The following CEP43 variants were observed in gnomAD, a reference collection of about 807,000 sequenced individuals.
The protein encoded by CEP43 is centrosomal protein 43.
Under a neutral mutation model 52.6 loss-of-function variants are expected in CEP43, and 36 were observed. That is an observed-to-expected ratio of 0.68 (90% confidence interval 0.52 to 0.90). The LOEUF (loss-of-function observed/expected upper bound fraction) is 0.90. Among genes scored for constraint, CEP43 ranks in the 40% least tolerant of loss-of-function variants. The pLI is 0.00. For synonymous variants in CEP43, 192 were observed against 172.4 expected (o/e 1.11, Z -0.89); for missense variants, 506 against 472.8 (o/e 1.07, Z -0.65).
Position 167,038,852 on chromosome 6 carries a change from A to G in CEP43, c.1126-1052A>G, listed in dbSNP as rs185797717. 2.0e-3 allele frequency among the ~76,000 whole-genome samples: 312 copies of G among 152,232 alleles called. 2 individuals are homozygous for G. The highest frequency in any genetic ancestry group is 7.2e-3 in the African/African-American group (300 of 41,532). The stretch of plus-strand genomic sequence containing the variant: ...GGGGGAACAGGTGGTGTTTGGTTGC[A>G]TGAATGAGTTCTTTAGTGGTGATTT... On this transcript the variant is annotated intron_variant, in intron 12 of 12. Coordinates refer to ENST00000366847, the MANE Select transcript of CEP43 (RefSeq NM_007045.4).
At chr6:167,015,249 T>G (rs1293355593) in intron 7 of CEP43, among the ~76,000 whole-genome samples, 1 of 152,226 alleles carries the variant, frequency 6.6e-6, no homozygotes, top group Non-Finnish European at 1.5e-5. Context: ...CCTCAATTAC[T>G]TGGAAACCTT....
chr6:167,041,894 G>A lies in CEP43; in HGVS notation c.*1916G>A, dbSNP rs578233213. On this transcript the variant is annotated 3_prime_UTR_variant, in exon 13 of 13. Transcript: ENST00000366847. The stretch of plus-strand genomic sequence containing the variant: ...ACTGGAGTACAGTGATGCGATCTCG[G>A]CTCACTGCAACCTCCGCCTCCTGGG... 42 of 754,256 alleles carry A rather than the reference G, an allele frequency of 5.6e-5. No homozygotes were observed. In the African/African-American group the frequency reaches 7.7e-4, roughly 14 times the overall value. The allele number at this position is 754,256 out of a possible 1,614,324, so 46.7% of individuals were successfully genotyped here.
rs894059837 is a variant in CEP43, at chr6:167,042,297, C to T, written c.*2319C>T. ...TAAAAAATAAATATTGAAATATTAA[C>T]CCATTAAATACATTTTTATGGTAAC... is the stretch of plus-strand genomic sequence containing the variant. On this transcript the variant is annotated 3_prime_UTR_variant, in exon 13 of 13. Coordinates refer to ENST00000366847, the MANE Select transcript of CEP43 (RefSeq NM_007045.4). 13 of 998,056 alleles carry T rather than the reference C, an allele frequency of 1.3e-5. No individual in the cohort carries two copies. Among genetic ancestry groups the T allele is most frequent in the African/African-American group, 5.2e-5 (3 of 57,718 alleles). The allele number at this position is 998,056 out of a possible 1,614,324, so 61.8% of individuals were successfully genotyped here.
In CEP43 at chr6:167,045,461, G is replaced by T. The variant is rs934831689; in HGVS notation, c.*5483G>T. The T allele has an allele frequency of 6.6e-6, 1 of 151,708 alleles. No homozygotes were observed. The highest frequency in any genetic ancestry group is 1.5e-5 in the Non-Finnish European group (1 of 68,012). The allele number at this position is 151,708 out of a possible 1,614,324, so 9.4% of individuals were successfully genotyped here. A position where few individuals can be genotyped will look rare whatever the true frequency, so the allele number is the denominator to read the frequency against. On this transcript the variant is annotated 3_prime_UTR_variant, in exon 13 of 13. Coordinates refer to ENST00000366847, the MANE Select transcript of CEP43 (RefSeq NM_007045.4). ...AAAAACCAATTTTGGGCCGGGCACG[G>T]TGGCTCACGCCTGTAATCCCAGCAC...
intron 9 of CEP43, among the ~76,000 whole-genome samples, chr6:167,025,654 G>C (rs1336809865): frequency 1.3e-5 from 2 of 152,112 alleles, no homozygotes; most frequent in East Asian, 3.8e-4. Context: ...ATATACTGTG[G>C]GACTTCCTAG....
chr6:167,029,161 G>A (rs1372621201), intron 10 of CEP43, among the ~76,000 whole-genome samples: 2 of 152,182 alleles, frequency 1.3e-5, no homozygotes, highest in Non-Finnish European at 2.9e-5. Context: ...TCAGCCAGAG[G>A]CAAGAATGAA....
intron 2 of CEP43, among the ~76,000 whole-genome samples, chr6:167,002,905 A>G (rs1779769907): frequency 6.6e-6 from 1 of 152,252 alleles, no homozygotes; most frequent in Non-Finnish European, 1.5e-5. Context: ...TTGAAATAAT[A>G]AACAGTTGTT....
chr6:167,004,843 G>C (rs1779816340), intron 5 of CEP43, among the ~76,000 whole-genome samples: 1 of 152,214 alleles, frequency 6.6e-6, no homozygotes, highest in South Asian at 2.1e-4. Flanking sequence ...TTATAGGATA[G>C]TTAATAAATT....
At chr6:167,005,929 T>C (rs1238762214) in intron 5 of CEP43, among the ~76,000 whole-genome samples, 13 of 152,246 alleles carry the variant, frequency 8.5e-5, no homozygotes, top group Admixed American at 6.5e-5. Context: ...CATATTTTTC[T>C]GTCTAGATTG....
Position 167,051,613 on chromosome 6 carries a change from G to C in CEP43, c.*11635G>C, listed in dbSNP as rs1053146060. On this transcript the variant is annotated 3_prime_UTR_variant, in exon 13 of 13. Coordinates refer to ENST00000366847, the MANE Select transcript of CEP43 (RefSeq NM_007045.4). Reference sequence around the variant, plus strand: ...TCTGCTTCTTATATTTTGGAACTCTGTTGTTAGGTGCATACATATTTATAA... The same window carrying C: ...TCTGCTTCTTATATTTTGGAACTCTCTTGTTAGGTGCATACATATTTATAA... The C allele has an allele frequency of 1.3e-5, 2 of 152,178 alleles. No homozygotes were observed. The highest frequency in any genetic ancestry group is 4.8e-5 in the African/African-American group (2 of 41,452). 9.4% of individuals were successfully genotyped at this position (152,178 alleles called of 1,614,324 possible). A position where few individuals can be genotyped will look rare whatever the true frequency, so the allele number is the denominator to read the frequency against.
chr6:167,016,504 C>T (rs781440755), intron 7 of CEP43, among the ~76,000 whole-genome samples: 1 of 152,252 alleles, frequency 6.6e-6, no homozygotes. Flanking sequence ...TCAAGTGATC[C>T]TCCTGCCTCG....
chr6:167,015,325 T>C (rs1396105785), intron 7 of CEP43, among the ~76,000 whole-genome samples: 1 of 152,260 alleles, frequency 6.6e-6, no homozygotes, highest in Non-Finnish European at 1.5e-5. Context: ...GTACCCCATG[T>C]GGCCTATTGC....
chr6:167,031,306 A>G (rs1780465864), intron 10 of CEP43, among the ~76,000 whole-genome samples: 1 of 152,048 alleles, frequency 6.6e-6, no homozygotes, highest in African/African-American at 2.4e-5. Flanking sequence ...GTCCCCAGTA[A>G]TTTGTACCTC....
rs2114866038 is a variant in CEP43, at chr6:167,051,931, A to G, written c.*11953A>G. ...TAATTCATTCATTTTTAGTGTTACTATTGATATGGCTGGATTTGTGTCTGC... is the reference window on the plus strand; with the variant it reads ...TAATTCATTCATTTTTAGTGTTACTGTTGATATGGCTGGATTTGTGTCTGC... On this transcript the variant is annotated 3_prime_UTR_variant, in exon 13 of 13. Transcript: ENST00000366847. The G allele has an allele frequency of 6.6e-6, 1 of 152,300 alleles. No individual in the cohort carries two copies. The highest frequency in any genetic ancestry group is 2.1e-4 in the South Asian group (1 of 4,826). The allele number at this position is 152,300 out of a possible 1,614,324, so 9.4% of individuals were successfully genotyped here.
chr6:167,018,735 C>T (rs956002005), intron 7 of CEP43, among the ~76,000 whole-genome samples: 2 of 152,222 alleles, frequency 1.3e-5, no homozygotes, highest in East Asian at 3.9e-4. Flanking sequence ...CAATACTTAA[C>T]CTTAGTTATT....
Position 167,031,087 on chromosome 6 carries a change from T to C in CEP43, c.989-1516T>C, listed in dbSNP as rs542717788. ...ATTTTAAAAATTAAAATTTAAAAAATAAAATAAATTTTTAATTTTTGAGGG... is the reference window on the plus strand; with the variant it reads ...ATTTTAAAAATTAAAATTTAAAAAACAAAATAAATTTTTAATTTTTGAGGG... On this transcript the variant is annotated intron_variant, in intron 10 of 12. Transcript: ENST00000366847. Among the ~76,000 whole-genome samples the C allele has an allele frequency of 3.3e-5, 5 of 152,284 alleles. No homozygotes were observed. The South Asian group carries it at 8.3e-4, about 25-fold the overall frequency.
At chr6:167,039,275 A>T (rs1402888166) in intron 12 of CEP43, among the ~76,000 whole-genome samples, 1 of 151,978 alleles carries the variant, frequency 6.6e-6, no homozygotes. Context: ...GACTACAGGC[A>T]CCCGCTATAT....
rs1780819258 is a variant in CEP43, at chr6:167,047,690, TTCC to T, written c.*7718_*7720del. The T allele has an allele frequency of 6.6e-6, 1 of 152,184 alleles. No homozygotes were observed. The highest frequency in any genetic ancestry group is 1.5e-5 in the Non-Finnish European group (1 of 68,018). 9.4% of individuals were successfully genotyped at this position (152,184 alleles called of 1,614,324 possible). ...TTTCAAAACCTAATTCAGATGTCAC[TTCC>T]TCCTCAAAGCTCTCGCCCCGCGCCG... is the stretch of plus-strand genomic sequence containing the variant. On this transcript the variant is annotated 3_prime_UTR_variant, in exon 13 of 13. Transcript: ENST00000366847.
intron 12 of CEP43, chr6:167,036,610 C>CA: frequency 1.0e-6 from 1 of 985,422 alleles, no homozygotes; most frequent in Non-Finnish European, 1.2e-6. Context: ...CAAAATCTTA[C>CA]AAGTTCCCGT....
Sources: allele counts gnomAD v4.1 joint callset (sites outside exome capture counted in the v4.1 genomes callset), GRCh38; gene constraint gnomAD v4.1.1; transcripts MANE v1.5; gene names NCBI Gene and HGNC (gene_info 2026-07-23, HGNC 2026-07-21).